TNR: variants seen among roughly 807,000 people sequenced by gnomAD.
TNR encodes tenascin R.
TNR carries 45 observed loss-of-function variants against 150.4 expected under a neutral mutation model. That is an observed-to-expected ratio of 0.30 (90% CI 0.24 to 0.38). The LOEUF (loss-of-function observed/expected upper bound fraction) is 0.38. Ranked by LOEUF, TNR falls within the 10% of genes least tolerant of loss-of-function variation. The pLI, the probability that TNR is intolerant of heterozygous loss-of-function variation, is 1.00. For synonymous variants in TNR, 687 were observed against 678.4 expected (o/e 1.01, Z -0.20); for missense variants, 1,544 against 1,759.1 (o/e 0.88, Z 2.19).
At chr1:175,420,790 G>T (rs961618107) in intron 2 of TNR, among the ~76,000 whole-genome samples, 2 of 152,196 alleles carry the variant, frequency 1.3e-5, no homozygotes, top group African/African-American at 4.8e-5. Flanking sequence ...AACAAGCCAT[G>T]AAGTTGGTAG....
intron 1 of TNR, among the ~76,000 whole-genome samples, chr1:175,716,096 T>C (rs1365909288): frequency 1.3e-5 from 2 of 152,194 alleles, no homozygotes; most frequent in African/African-American, 4.8e-5. Context: ...CATTTAGGAA[T>C]TGCTTCTAAG....
intron 1 of TNR, among the ~76,000 whole-genome samples, chr1:175,560,901 T>C (rs1430242741): frequency 6.6e-6 from 1 of 152,230 alleles, no homozygotes; most frequent in Non-Finnish European, 1.5e-5. Flanking sequence ...TTCAAGATTA[T>C]TTTAACAAAA....
Position 175,367,189 on chromosome 1 carries a change from C to T in TNR, c.2053+19G>A, listed in dbSNP as rs778816152. The T allele has an allele frequency of 4.7e-5, 75 of 1,612,718 alleles. No homozygotes were observed. Among genetic ancestry groups the T allele is most frequent in the Non-Finnish European group, 6.1e-5 (72 of 1,179,028 alleles). Reference sequence around the variant, plus strand: ...TATAGGCTAACCTGGTCTTCTTCCTCAGCAGTCCTCCTACTCACCAGTCCT... The same window carrying T: ...TATAGGCTAACCTGGTCTTCTTCCTTAGCAGTCCTCCTACTCACCAGTCCT... On this transcript the variant is annotated intron_variant, in intron 10 of 22. Coordinates refer to ENST00000367674, the MANE Select transcript of TNR (RefSeq NM_003285.3).
chr1:175,709,308 T>TACACACACACACACACAC (rs371591261), intron 1 of TNR, among the ~76,000 whole-genome samples: 6 of 127,820 alleles, frequency 4.7e-5, no homozygotes, highest in African/African-American at 1.8e-4. Flanking sequence ...CACACACACA[T>TACACACACACACACACAC]ACACACACAC....
chr1:175,489,633 A>T (rs1315927674), intron 2 of TNR, among the ~76,000 whole-genome samples: 1 of 152,166 alleles, frequency 6.6e-6, no homozygotes, highest in South Asian at 2.1e-4. Flanking sequence ...TAGCTATTTG[A>T]TGTTGTGAAC....
intron 1 of TNR, among the ~76,000 whole-genome samples, chr1:175,671,911 CTGTG>C (rs35804880): frequency 0.013 from 1,887 of 141,812 alleles, 20 homozygotes; most frequent in Middle Eastern, 0.034. Context: ...TGAGCTGTAC[CTGTG>C]TGTGTGTGTG....
At chr1:175,435,116 A>G (rs1456523395) in intron 2 of TNR, among the ~76,000 whole-genome samples, 1 of 152,190 alleles carries the variant, frequency 6.6e-6, no homozygotes, top group South Asian at 2.1e-4. Flanking sequence ...CATGATCTGA[A>G]GTATGTTTTG....
intron 19 of TNR, among the ~76,000 whole-genome samples, chr1:175,336,282 T>C (rs1396956884): frequency 6.6e-6 from 1 of 152,264 alleles, no homozygotes; most frequent in African/African-American, 2.4e-5. Context: ...CTGAGCTGTT[T>C]AAGTGCTTAT....
intron 2 of TNR, among the ~76,000 whole-genome samples, chr1:175,517,158 G>T (rs1302802824): frequency 6.6e-6 from 1 of 151,832 alleles, no homozygotes; most frequent in Non-Finnish European, 1.5e-5. Flanking sequence ...ATCTTTTCTG[G>T]ACACTTTCCC....
intron 1 of TNR, among the ~76,000 whole-genome samples, chr1:175,739,214 G>A (rs1667855337): frequency 6.6e-6 from 1 of 152,164 alleles, no homozygotes; most frequent in South Asian, 2.1e-4. Flanking sequence ...GTCTCCAAAT[G>A]GAAGGAGGCA....
At chr1:175,731,264 C>T (rs1287876153) in intron 1 of TNR, among the ~76,000 whole-genome samples, 1 of 152,098 alleles carries the variant, frequency 6.6e-6, no homozygotes, top group Non-Finnish European at 1.5e-5. Flanking sequence ...CTGAAAAGTG[C>T]GAGTTAGTAT....
chr1:175,583,723 G>A (rs1484083970), intron 1 of TNR, among the ~76,000 whole-genome samples: 3 of 152,152 alleles, frequency 2.0e-5, no homozygotes, highest in Non-Finnish European at 4.4e-5. Flanking sequence ...TAGCATTCAG[G>A]GTGTCCTCTG....
chr1:175,615,509 T>A (rs936089254), intron 1 of TNR, among the ~76,000 whole-genome samples: 1 of 151,780 alleles, frequency 6.6e-6, no homozygotes, highest in African/African-American at 2.4e-5. Flanking sequence ...CCTGGAGGAG[T>A]AGGGGTCTGA....
intron 1 of TNR, among the ~76,000 whole-genome samples, chr1:175,720,979 T>C (rs1667283200): frequency 2.6e-5 from 4 of 152,250 alleles, no homozygotes; most frequent in Admixed American, 2.0e-4. Context: ...CCCAACCCTC[T>C]CATTTTTCAG....
At chr1:175,502,123 C>A (rs1446562455) in intron 2 of TNR, among the ~76,000 whole-genome samples, 1 of 152,146 alleles carries the variant, frequency 6.6e-6, no homozygotes, top group African/African-American at 2.4e-5. Flanking sequence ...TTAACTGACC[C>A]CCCATGCCTA....
chr1:175,435,201 G>T (rs1179324717), intron 2 of TNR, among the ~76,000 whole-genome samples: 1 of 152,180 alleles, frequency 6.6e-6, no homozygotes, highest in Non-Finnish European at 1.5e-5. Flanking sequence ...AGAAATACCA[G>T]TTAGGACGGG....
intron 2 of TNR, among the ~76,000 whole-genome samples, chr1:175,417,359 A>G (rs1026081518): frequency 5.3e-5 from 8 of 152,090 alleles, no homozygotes; most frequent in African/African-American, 1.7e-4. Flanking sequence ...GGCAAAGGGT[A>G]TAGAATCAAC....
chr1:175,489,797 A>C (rs550982161), intron 2 of TNR, among the ~76,000 whole-genome samples: 100 of 152,230 alleles, frequency 6.6e-4, no homozygotes, highest in Non-Finnish European at 1.3e-3. Flanking sequence ...ATATACATAC[A>C]TATACATATA....
chr1:175,617,214 A>T (rs1663807626), intron 1 of TNR, among the ~76,000 whole-genome samples: 1 of 152,162 alleles, frequency 6.6e-6, no homozygotes, highest in Non-Finnish European at 1.5e-5. Context: ...ATACCGGAAC[A>T]CCTTTACTGA....
Sources: gnomAD v4.1 joint callset for allele counts (sites outside exome capture counted in the v4.1 genomes callset) on GRCh38, gnomAD v4.1.1 for gene constraint, MANE v1.5 for transcripts, NCBI Gene and HGNC (gene_info 2026-07-23, HGNC 2026-07-21) for gene names.